PLS1: variants seen among roughly 807,000 people sequenced by gnomAD.
PLS1 encodes the protein plastin-1.
PLS1 carries 32 observed loss-of-function variants against 73.7 expected under a neutral mutation model. The ratio of observed to expected loss-of-function variants is 0.43; its 90% CI spans 0.33 to 0.58. The LOEUF (loss-of-function observed/expected upper bound fraction) is 0.58, where lower values mean the gene tolerates loss of function less well. PLS1 is among the 20% of genes least tolerant of loss of function. The pLI is 0.04. For synonymous variants in PLS1, 217 were observed against 261.3 expected, an observed-to-expected ratio of 0.83 and a Z score of 1.63; for missense variants, 633 against 740.5, an observed-to-expected ratio of 0.85 and a Z score of 1.68.
chr3:142,599,849 G>A (rs560586336), intron 1 of PLS1, among the ~76,000 whole-genome samples: 158 of 152,038 alleles, frequency 1.0e-3, no homozygotes, highest in African/African-American at 3.4e-3. Context: ...TGACCTCCCC[G>A]GGCTCAAGTG....
chr3:142,683,883 G>A (rs556305339), intron 6 of PLS1, 123 bp from the exon 7 acceptor site: 299 of 636,190 alleles, frequency 4.7e-4, no homozygotes, highest in Admixed American at 1.4e-3. Context: ...TGGTATTTTC[G>A]TTGTATAAAT....
intron 14 of PLS1, among the ~76,000 whole-genome samples, chr3:142,704,938 A>G (rs981469476): frequency 4.0e-5 from 6 of 151,534 alleles, no homozygotes; most frequent in South Asian, 2.1e-4. Context: ...GATTACAGGC[A>G]TGAGCTACCA....
At chr3:142,617,932 C>T (rs1341274178) in intron 1 of PLS1, among the ~76,000 whole-genome samples, 1 of 152,114 alleles carries the variant, frequency 6.6e-6, no homozygotes, top group Non-Finnish European at 1.5e-5. Context: ...GAGCTGAGAT[C>T]GTGCCACTGC....
At chr3:142,675,390 G>A (rs1037788751) in intron 4 of PLS1, among the ~76,000 whole-genome samples, 1 of 98,408 alleles carries the variant, frequency 1.0e-5, no homozygotes, top group Non-Finnish European at 2.9e-5. Flanking sequence ...TTTGTTTTTT[G>A]TTTTTGTTTT....
At chr3:142,641,369 A>G (rs1163044724) in intron 1 of PLS1, among the ~76,000 whole-genome samples, 1 of 149,112 alleles carries the variant, frequency 6.7e-6, no homozygotes, top group Non-Finnish European at 1.5e-5. Flanking sequence ...ATAGAAAAAA[A>G]TTAAGGCATT....
chr3:142,601,724 C>A (rs1035945131), intron 1 of PLS1, among the ~76,000 whole-genome samples: 1 of 151,942 alleles, frequency 6.6e-6, no homozygotes, highest in Non-Finnish European at 1.5e-5. Context: ...GCTATGTTGT[C>A]TAGGCTGATC....
intron 13 of PLS1, 103 bp from the exon 14 acceptor site, chr3:142,704,360 A>T: frequency 1.1e-6 from 1 of 885,488 alleles, no homozygotes; most frequent in South Asian, 1.8e-5. Flanking sequence ...AATATTTATT[A>T]GAACTGAACT....
At chr3:142,659,973 A>G (rs1340147342) in intron 1 of PLS1, among the ~76,000 whole-genome samples, 2 of 152,150 alleles carry the variant, frequency 1.3e-5, no homozygotes, top group African/African-American at 4.8e-5. Flanking sequence ...AACCAAATAT[A>G]TATTTGGAAA....
At chr3:142,706,840 C>T (rs761624462) in intron 14 of PLS1, among the ~76,000 whole-genome samples, 50 of 152,022 alleles carry the variant, frequency 3.3e-4, no homozygotes, top group Non-Finnish European at 5.0e-4. Context: ...CATGGGTAAC[C>T]GGAAAACAGA....
intron 1 of PLS1, among the ~76,000 whole-genome samples, chr3:142,634,217 G>T (rs2036628233): frequency 6.6e-6 from 1 of 152,172 alleles, no homozygotes; most frequent in Admixed American, 6.5e-5. Flanking sequence ...GTGTACTTAT[G>T]TTCCCTGAAG....
intron 1 of PLS1, among the ~76,000 whole-genome samples, chr3:142,637,575 AATG>A (rs951729937): frequency 5.3e-5 from 8 of 152,204 alleles, no homozygotes; most frequent in African/African-American, 1.4e-4. Flanking sequence ...AGTTTAGAAA[AATG>A]ATCATGAAAA....
chr3:142,638,798 A>G (rs945748703), intron 1 of PLS1, among the ~76,000 whole-genome samples: 1 of 151,602 alleles, frequency 6.6e-6, no homozygotes, highest in Admixed American at 6.6e-5. Context: ...CTAGAGTGTA[A>G]TGGTGCGATC....
chr3:142,652,214 C>G (rs1037579710), intron 1 of PLS1, among the ~76,000 whole-genome samples: 1 of 152,132 alleles, frequency 6.6e-6, no homozygotes, highest in African/African-American at 2.4e-5. Context: ...TTCTAATTTC[C>G]TCAGCTTACA....
intron 3 of PLS1, 147 bp from the exon 4 acceptor site, chr3:142,670,846 G>A (rs1165162421): frequency 5.7e-6 from 3 of 527,866 alleles, no homozygotes; most frequent in Non-Finnish European, 6.5e-6. Flanking sequence ...GTAAAATGAT[G>A]AAAGTTATCT....
intron 1 of PLS1, among the ~76,000 whole-genome samples, chr3:142,617,648 A>G (rs890989839): frequency 1.3e-5 from 2 of 152,178 alleles, no homozygotes; most frequent in Admixed American, 6.6e-5. Flanking sequence ...TGCATTCAAA[A>G]TAAGATCCAC....
intron 2 of PLS1, among the ~76,000 whole-genome samples, chr3:142,665,538 T>C (rs895025467): frequency 6.6e-6 from 1 of 152,172 alleles, no homozygotes; most frequent in African/African-American, 2.4e-5. Context: ...ACTGGGCAAT[T>C]GTTGAAATGT....
In PLS1 at chr3:142,663,322, G is replaced by A. The variant is rs141500883; in HGVS notation, c.-36-880G>A. ...TGAGTAATGTTAATTTTCTGTTTGG[G>A]ACATTCATTATCAATTATTTTCTGC... On this transcript the variant is annotated intron_variant, in intron 1 of 15. Transcript: ENST00000457734. Among the ~76,000 whole-genome samples, 1,291 of 152,278 alleles carry A rather than the reference G, an allele frequency of 8.5e-3. 53 individuals carry two copies. The highest frequency in any genetic ancestry group is 0.076 in the Admixed American group (1,162 of 15,290).
chr3:142,686,281 A>G lies in PLS1; in HGVS notation c.889-3A>G. ...AAATGCTATTTCATATCTTTCCTTG[A>G]AGGACTCGAGAGCCTATTTTCATCT... On this transcript the variant is annotated splice_polypyrimidine_tract_variant and splice_region_variant and intron_variant, in intron 8 of 15. Coordinates refer to ENST00000457734, the MANE Select transcript of PLS1 (RefSeq NM_001145319.2). 1 of 1,562,170 alleles carries G rather than the reference A, an allele frequency of 6.4e-7. No homozygotes were observed. The highest frequency in any genetic ancestry group is 1.4e-5 in the African/African-American group (1 of 74,030).
At chr3:142,644,029 T>C (rs982368060) in intron 1 of PLS1, among the ~76,000 whole-genome samples, 5 of 151,960 alleles carry the variant, frequency 3.3e-5, no homozygotes, top group Non-Finnish European at 5.9e-5. Flanking sequence ...GATTTCACCA[T>C]GTTGGCCAGG....
Sources: gnomAD v4.1 joint callset for allele counts (sites outside exome capture counted in the v4.1 genomes callset) on GRCh38, gnomAD v4.1.1 for gene constraint, MANE v1.5 for transcripts, NCBI Gene and HGNC (gene_info 2026-07-23, HGNC 2026-07-21) for gene names.